The following DMD variants were observed in gnomAD, a reference collection of about 807,000 sequenced individuals.
DMD encodes the protein dystrophin, also known as mutant dystrophin.
DMD carries 63 observed loss-of-function variants against 330.1 expected under a neutral mutation model. The ratio of observed to expected loss-of-function variants is 0.19; its 90% confidence interval spans 0.16 to 0.24. The LOEUF (loss-of-function observed/expected upper bound fraction) is 0.24. Among genes scored for constraint, DMD ranks in the 10% least tolerant of loss-of-function variants. DMD has a pLI of 1.00. For missense variants in DMD, 3,344 were observed against 2,684.1 expected, an observed-to-expected ratio of 1.25 and a Z score of -5.43; for synonymous variants, 1,223 against 959.8, an observed-to-expected ratio of 1.27 and a Z score of -5.07.
At chrX:31,217,682 A>G (rs1242386778) in intron 64 of DMD, among the ~76,000 whole-genome samples, 5 of 112,254 alleles carry the variant, frequency 4.5e-5, no homozygotes, top group Admixed American at 2.8e-4. Context: ...TGGAAGCTAA[A>G]TCTAAGCAAA....
chrX:31,204,241 G>A, intron 66 of DMD, 123 bp from the exon 67 acceptor site: 2 of 595,306 alleles, frequency 3.4e-6, no homozygotes, highest in Non-Finnish European at 5.6e-6. Flanking sequence ...CACAGAGTGG[G>A]GTTACTTCTA....
chrX:32,411,839 G>A lies in DMD; in HGVS notation c.4146C>T (p.Ile1382=), dbSNP rs1428423169. 2 of 1,211,047 alleles carry A rather than the reference G, an allele frequency of 1.7e-6. No individual in the cohort carries two copies. Among genetic ancestry groups the A allele is most frequent in the Admixed American group, 4.4e-5 (2 of 45,949 alleles). Residue 1382 remains isoleucine, a synonymous_variant, in exon 30 of 79, where the codon ATC becomes ATT. Coordinates refer to ENST00000357033, the MANE Select transcript of DMD (RefSeq NM_004006.3). ...TGTCAATGAATGTGAGGGACTCCTG[G>A]ATTAAGTGTAAGGATTTTTCAGTCT... ...AQETEKSLHL[I]QESLTFIDKQ...
intron 29 of DMD, among the ~76,000 whole-genome samples, chrX:32,423,396 AGAGT>A (rs770966166): frequency 4.5e-4 from 50 of 110,211 alleles, no homozygotes; most frequent in Non-Finnish European, 1.5e-4. Context: ...TAATTTGTCT[AGAGT>A]GAATATTAAA....
Position 32,252,709 on chromosome X carries a change from TATATAA to T in DMD, c.6290+34814_6290+34819del, listed in dbSNP as rs1391437212. On this transcript the variant is annotated intron_variant, in intron 43 of 78. Coordinates refer to ENST00000357033, the MANE Select transcript of DMD (RefSeq NM_004006.3). ...AAATATATATATAAATATATATAAA[TATATAA>T]ATATATATAAATATATAAATATATA... Among the ~76,000 whole-genome samples, 36 of 46,198 alleles carry T rather than the reference TATATAA, an allele frequency of 7.8e-4. 1 individual carries two copies. Among genetic ancestry groups the T allele is most frequent in the African/African-American group, 1.6e-3 (18 of 11,242 alleles). 40.1% of individuals were successfully genotyped at this position (46,198 alleles called of 115,157 possible).
At chrX:32,611,264 G>A (rs2057150963) in intron 12 of DMD, among the ~76,000 whole-genome samples, 1 of 110,140 alleles carries the variant, frequency 9.1e-6, no homozygotes, top group Non-Finnish European at 1.9e-5. Flanking sequence ...AAAAAAGAGT[G>A]CTCAAATAGT....
rs184067828 is a variant in DMD, at chrX:33,254,444, G to C, written c.7+84815C>G. On this transcript the variant is annotated intron_variant, in intron 1 of 17. Coordinates refer to the DMD transcript ENST00000288447. ...GGGCAAATTAGAGATATGCAAAAAT[G>C]GTTAGCAAATTTTTGAATGTGTCTT... 2.6e-3 allele frequency among the ~76,000 whole-genome samples: 285 copies of C among 110,346 alleles called. 2 individuals are homozygous for C. Among genetic ancestry groups the C allele is most frequent in the African/African-American group, 8.7e-3 (265 of 30,620 alleles).
intron 52 of DMD, among the ~76,000 whole-genome samples, chrX:31,691,329 T>C (rs938847894): frequency 6.4e-4 from 71 of 110,254 alleles, no homozygotes; most frequent in African/African-American, 2.0e-3. Flanking sequence ...CACAAAACCA[T>C]CAAAACACAA....
chrX:33,213,499 C>A (rs1328567788), upstream of DMD, among the ~76,000 whole-genome samples: 1 of 111,930 alleles, frequency 8.9e-6, no homozygotes, highest in East Asian at 2.8e-4. Context: ...CACCACAGTA[C>A]TTTCTTGTGT....
intron 43 of DMD, among the ~76,000 whole-genome samples, chrX:32,263,629 G>C (rs1326547389): frequency 8.9e-6 from 1 of 111,960 alleles, no homozygotes. Flanking sequence ...GATGAAGAGA[G>C]AGCATTTTCC....
rs2098315094 is a variant in DMD, at chrX:32,448,585, C to T, written c.3657G>A (p.Glu1219=). Residue 1219 remains glutamate (E), a synonymous_variant, in exon 27 of 79, where the codon GAG becomes GAA. Transcript: ENST00000357033. ...CTTGAGCTATGACACTATTTACAGA[C>T]TCAGTAAGGAGTTTCACTTTCGCTT... ...QKEAKVKLLT[E]SVNSVIAQAP... The T allele has an allele frequency of 7.4e-6, 9 of 1,208,418 alleles. No individual in the cohort carries two copies. In the East Asian group the frequency reaches 2.4e-4, roughly 32 times the overall value.
At chrX:32,020,259 G>A (rs2095797439) in intron 44 of DMD, among the ~76,000 whole-genome samples, 1 of 112,278 alleles carries the variant, frequency 8.9e-6, no homozygotes, top group African/African-American at 3.2e-5. Context: ...ATGCTGGGCC[G>A]GCCCAACAAA....
chrX:32,565,622 A>T, intron 16 of DMD, 80 bp downstream of exon 16: 1 of 994,297 alleles, frequency 1.0e-6, no homozygotes, highest in Non-Finnish European at 1.4e-6. Flanking sequence ...CTTCTTTTGT[A>T]GGGTTATAAT....
At chrX:32,859,642 T>C (rs1240257417) in intron 2 of DMD, among the ~76,000 whole-genome samples, 2 of 111,584 alleles carry the variant, frequency 1.8e-5, no homozygotes, top group Non-Finnish European at 3.8e-5. Flanking sequence ...CCCTATACAA[T>C]TACTAAAACT....
At chrX:31,973,085 C>A (rs1460757917) in intron 44 of DMD, among the ~76,000 whole-genome samples, 1 of 110,644 alleles carries the variant, frequency 9.0e-6, no homozygotes, top group Non-Finnish European at 1.9e-5. Context: ...TGTAAAGAAG[C>A]AAAATAAATG....
chrX:32,825,949 C>A (rs2078658224), intron 4 of DMD, among the ~76,000 whole-genome samples: 1 of 85,676 alleles, frequency 1.2e-5, no homozygotes. Flanking sequence ...TGATGACTAC[C>A]CAACAACAGA....
intron 1 of DMD, among the ~76,000 whole-genome samples, chrX:33,318,667 G>A (rs1331766912): frequency 9.2e-6 from 1 of 108,707 alleles, no homozygotes; most frequent in African/African-American, 3.4e-5. Flanking sequence ...AGCTGGTCTC[G>A]AACTCCTGAC....
chrX:31,236,224 A>G (rs987410355), intron 63 of DMD, among the ~76,000 whole-genome samples: 1 of 112,284 alleles, frequency 8.9e-6, no homozygotes, highest in African/African-American at 3.2e-5. Flanking sequence ...GACATCACGG[A>G]ACTCTTCCAT....
At chrX:32,757,796 A>G (rs1450482142) in intron 7 of DMD, among the ~76,000 whole-genome samples, 1 of 111,678 alleles carries the variant, frequency 9.0e-6, no homozygotes, top group African/African-American at 3.3e-5. Flanking sequence ...ATGAGAACAG[A>G]CTAATACAGA....
chrX:32,865,410 A>G (rs2082403952), intron 2 of DMD, among the ~76,000 whole-genome samples: 1 of 111,685 alleles, frequency 9.0e-6, no homozygotes, highest in African/African-American at 3.3e-5. Flanking sequence ...AATAGAATAT[A>G]CAAGGTTGAA....
Sources: allele counts gnomAD v4.1 joint callset (sites outside exome capture counted in the v4.1 genomes callset), GRCh38; gene constraint gnomAD v4.1.1; transcripts MANE v1.5; gene names NCBI Gene and HGNC (gene_info 2026-07-23, HGNC 2026-07-21).